Variants in PRKCE observed in about 807,000 individuals in gnomAD.
The protein encoded by PRKCE is protein kinase C epsilon.
A neutral mutation model predicts 85.4 loss-of-function variants in PRKCE; 16 were observed. That is an observed-to-expected ratio of 0.19 (90% CI 0.13 to 0.28). PRKCE has a LOEUF of 0.28. Among genes scored for constraint, PRKCE ranks in the 10% least tolerant of loss-of-function variants. The pLI, the probability that PRKCE is intolerant of heterozygous loss-of-function variation, is 1.00. For synonymous variants in PRKCE, 388 were observed against 371.5 expected (o/e 1.04, Z -0.51); for missense variants, 573 against 975.2 (o/e 0.59, Z 5.49).
intron 14 of PRKCE, among the ~76,000 whole-genome samples, chr2:46,172,455 G>A (rs1338227372): frequency 1.3e-5 from 2 of 151,976 alleles, no homozygotes; most frequent in Non-Finnish European, 2.9e-5. Context: ...AGCCAAAGGA[G>A]TGTATAGGTG....
chr2:46,121,800 A>G (rs986790322), intron 11 of PRKCE, among the ~76,000 whole-genome samples: 6 of 152,232 alleles, frequency 3.9e-5, no homozygotes, highest in African/African-American at 1.4e-4. Context: ...ACTGATGCTC[A>G]TGAATGCTGT....
intron 1 of PRKCE, among the ~76,000 whole-genome samples, chr2:45,732,839 A>C (rs1681698609): frequency 6.6e-6 from 1 of 152,256 alleles, no homozygotes; most frequent in South Asian, 2.1e-4. Context: ...CTGTTTTCTG[A>C]GTTCTCCTAA....
At chr2:45,945,387 T>G (rs1458825675) in intron 2 of PRKCE, among the ~76,000 whole-genome samples, 1 of 151,264 alleles carries the variant, frequency 6.6e-6, no homozygotes, top group Non-Finnish European at 1.5e-5. Context: ...TGTCATACTC[T>G]GTCAAACAAC....
At chr2:45,767,227 G>C (rs1435699270) in intron 1 of PRKCE, among the ~76,000 whole-genome samples, 1 of 152,130 alleles carries the variant, frequency 6.6e-6, no homozygotes, top group Non-Finnish European at 1.5e-5. Flanking sequence ...AGGGTAGAGA[G>C]GAATTAGCCC....
intron 2 of PRKCE, among the ~76,000 whole-genome samples, chr2:45,889,556 C>G (rs886377921): frequency 3.3e-5 from 4 of 120,972 alleles, no homozygotes; most frequent in Non-Finnish European, 6.5e-5. Flanking sequence ...AAATGCAGTA[C>G]TGGCTGTTGG....
intron 1 of PRKCE, among the ~76,000 whole-genome samples, chr2:45,689,821 G>C (rs534425355): frequency 2.0e-4 from 31 of 151,406 alleles, no homozygotes; most frequent in African/African-American, 6.1e-4. Context: ...ACTTGAACCT[G>C]GGAGGCAGAG....
intron 3 of PRKCE, chr2:45,978,689 G>T: frequency 1.8e-5 from 6 of 334,382 alleles, no homozygotes; most frequent in Non-Finnish European, 1.6e-5. Flanking sequence ...GGTCGTTTGT[G>T]GCTTTCCAGA....
chr2:46,099,368 C>T (rs926381488), intron 11 of PRKCE, among the ~76,000 whole-genome samples: 6 of 152,162 alleles, frequency 3.9e-5, no homozygotes, highest in Admixed American at 6.6e-5. Context: ...ATTGACAGGC[C>T]TTTGACACAC....
Position 45,885,922 on chromosome 2 carries a change from C to T in PRKCE, c.412+42859C>T, listed in dbSNP as rs143210421. On this transcript the variant is annotated intron_variant, in intron 2 of 14. Transcript: ENST00000306156. ...GAAATCCCATGGAGTTGCTTTTTAA[C>T]GAAGGCTCTTTTGACAATGTAAATC... 9.7e-3 allele frequency among the ~76,000 whole-genome samples: 1,481 copies of T among 152,294 alleles called. 19 individuals are homozygous for T. Among genetic ancestry groups the T allele is most frequent in the African/African-American group, 0.033 (1,370 of 41,542 alleles).
intron 1 of PRKCE, among the ~76,000 whole-genome samples, chr2:45,794,033 A>T (rs1359231874): frequency 6.6e-6 from 1 of 152,198 alleles, no homozygotes; most frequent in Non-Finnish European, 1.5e-5. Context: ...ATTAGCCCTA[A>T]AACCTTGCCT....
chr2:46,035,476 C>T (rs969118080), intron 10 of PRKCE, among the ~76,000 whole-genome samples: 1 of 152,248 alleles, frequency 6.6e-6, no homozygotes, highest in Admixed American at 6.5e-5. Flanking sequence ...CAGTCCCTGC[C>T]TGCTCCATCC....
chr2:45,784,729 C>T (rs544466873), intron 1 of PRKCE, among the ~76,000 whole-genome samples: 9 of 152,086 alleles, frequency 5.9e-5, no homozygotes, highest in South Asian at 2.1e-4. Context: ...GATGAAGCTA[C>T]GCCTGTGAGC....
chr2:45,972,684 G>A (rs987401791), intron 2 of PRKCE, among the ~76,000 whole-genome samples: 50 of 152,272 alleles, frequency 3.3e-4, no homozygotes, highest in African/African-American at 1.2e-3. Context: ...TGCATTGGAT[G>A]TACAGTTTTC....
chr2:46,084,718 C>CAA (rs11314680), intron 10 of PRKCE, among the ~76,000 whole-genome samples: 31 of 92,148 alleles, frequency 3.4e-4, no homozygotes, highest in African/African-American at 7.9e-4. Context: ...GAGACTCCAT[C>CAA]AAAAAAAAAA....
intron 13 of PRKCE, among the ~76,000 whole-genome samples, chr2:46,152,955 C>G (rs1191819079): frequency 6.6e-6 from 1 of 152,112 alleles, no homozygotes; most frequent in Non-Finnish European, 1.5e-5. Context: ...ACATGTTACC[C>G]TTTTCTGTAG....
At chr2:45,873,080 C>T (rs1164623999) in intron 2 of PRKCE, among the ~76,000 whole-genome samples, 1 of 152,184 alleles carries the variant, frequency 6.6e-6, no homozygotes, top group Non-Finnish European at 1.5e-5. Context: ...TAAGGGCCTA[C>T]CCAGATATAC....
chr2:45,914,283 T>G (rs917231279), intron 2 of PRKCE, among the ~76,000 whole-genome samples: 2 of 152,116 alleles, frequency 1.3e-5, no homozygotes, highest in Non-Finnish European at 2.9e-5. Context: ...GAATAGCTAA[T>G]AAGATGGGTG....
intron 2 of PRKCE, among the ~76,000 whole-genome samples, chr2:45,972,513 T>C (rs145812381): frequency 6.6e-6 from 1 of 152,352 alleles, no homozygotes; most frequent in Non-Finnish European, 1.5e-5. Context: ...GCCTTTTTGG[T>C]GTCATATCTA....
At chr2:46,031,312 G>A (rs1018779144) in intron 10 of PRKCE, among the ~76,000 whole-genome samples, 1 of 152,088 alleles carries the variant, frequency 6.6e-6, no homozygotes, top group African/African-American at 2.4e-5. Flanking sequence ...TGGAAACATT[G>A]GCATGTGAAT....
Sources: allele counts gnomAD v4.1 joint callset (sites outside exome capture counted in the v4.1 genomes callset), GRCh38; gene constraint gnomAD v4.1.1; transcripts MANE v1.5; gene names NCBI Gene and HGNC (gene_info 2026-07-23, HGNC 2026-07-21).